The following ZNF723 variants were observed in gnomAD, a reference collection of about 807,000 sequenced individuals.
The protein encoded by ZNF723 is zinc finger protein 723, pseudogene.
ZNF723 carries 5 observed loss-of-function variants against 9.4 expected under a neutral mutation model. The observed-to-expected ratio is 0.53, with a 90% CI of 0.28 to 1.12. The LOEUF is 1.12. ZNF723 is among the 50% of genes most tolerant of loss of function. The pLI, the probability that ZNF723 is intolerant of heterozygous loss-of-function variation, is 0.10. For synonymous variants in ZNF723, 158 were observed against 168.8 expected, an observed-to-expected ratio of 0.94 and a Z score of 0.49; for missense variants, 450 against 501.5, an observed-to-expected ratio of 0.90 and a Z score of 0.98.
intron 1 of ZNF723, among the ~76,000 whole-genome samples, chr19:22,842,317 A>G (rs1486231165): frequency 2.0e-5 from 3 of 152,080 alleles, no homozygotes; most frequent in Admixed American, 1.3e-4. Flanking sequence ...CTGAACTAAG[A>G]GTTTTTTTTA....
the ZNF723 span, among the ~76,000 whole-genome samples, chr19:22,826,710 C>T: frequency 6.6e-6 from 1 of 152,328 alleles, no homozygotes; most frequent in South Asian, 2.1e-4. Context: ...ATGGTGATAA[C>T]TGTCATACCT....
At position 22,832,326 on chromosome 19, in the gene ZNF723, A is replaced by C; in HGVS notation, c.-54A>C. 1 of 1,364,198 alleles carries C rather than the reference A, an allele frequency of 7.3e-7. No homozygotes were observed. Among genetic ancestry groups the C allele is most frequent in the African/African-American group, 1.4e-5 (1 of 69,126 alleles). 84.5% of individuals were successfully genotyped at this position (1,364,198 alleles called of 1,614,324 possible). ...CCTGGTCTCTGTGGCCTCCTGACCT[A>C]CATGCATTGGGAGATCCACAGCTAA... On this transcript the variant is annotated 5_prime_UTR_variant, in exon 1 of 4. Coordinates refer to ENST00000600766, the MANE Select transcript of ZNF723 (RefSeq NM_001349726.2).
Position 22,857,889 on chromosome 19 carries a change from G to A in ZNF723, c.998G>A (p.Arg333Lys), listed in dbSNP as rs1198325222. The A allele has an allele frequency of 1.4e-6, 2 of 1,421,288 alleles. No individual in the cohort carries two copies. Among genetic ancestry groups the A allele is most frequent in the Non-Finnish European group, 2.0e-6 (2 of 1,007,208 alleles). The allele number at this position is 1,421,288 out of a possible 1,614,324, so 88.0% of individuals were successfully genotyped here. A position where few individuals can be genotyped will look rare whatever the true frequency, so the allele number is the denominator to read the frequency against. The change falls in exon 4 of 4, where the codon AGA (arginine) becomes AAA (lysine). Residue 333 changes from arginine to lysine, a missense_variant. Transcript: ENST00000600766. Reference sequence around the variant, plus strand: ...CCCTCACACCTTGCTACACATAAGAGAATTCATACTGGAGAGAAACTCTAC... The same window carrying A: ...CCCTCACACCTTGCTACACATAAGAAAATTCATACTGGAGAGAAACTCTAC... ...NQPSHLATHK[R>K]IHTGEKLYKC...
the ZNF723 span, among the ~76,000 whole-genome samples, chr19:22,819,906 T>C: frequency 1.3e-5 from 2 of 151,888 alleles, no homozygotes; most frequent in South Asian, 4.2e-4. Context: ...TATGTGTGGG[T>C]CAAACACCTA....
chr19:22,825,138 C>T, the ZNF723 span, among the ~76,000 whole-genome samples: 2 of 152,154 alleles, frequency 1.3e-5, no homozygotes, highest in African/African-American at 4.8e-5. Context: ...CACTAAGAGG[C>T]AATCGAAAGT....
intron 3 of ZNF723, among the ~76,000 whole-genome samples, chr19:22,854,705 A>G (rs1350522584): frequency 6.6e-6 from 1 of 152,148 alleles, no homozygotes; most frequent in African/African-American, 2.4e-5. Flanking sequence ...TCTAAAAGAT[A>G]TGAGAATATA....
chr19:22,813,066 T>G, the ZNF723 span, among the ~76,000 whole-genome samples: 3 of 152,062 alleles, frequency 2.0e-5, no homozygotes, highest in Non-Finnish European at 4.4e-5. Context: ...CTCCACCTCC[T>G]GGGTTCAAGC....
At chr19:22,826,563 C>A in the ZNF723 span, among the ~76,000 whole-genome samples, 1 of 152,200 alleles carries the variant, frequency 6.6e-6, no homozygotes, top group Non-Finnish European at 1.5e-5. Context: ...AACTGTCACT[C>A]TCTCACATGG....
chr19:22,812,616 G>T, the ZNF723 span, among the ~76,000 whole-genome samples: 1 of 152,130 alleles, frequency 6.6e-6, no homozygotes, highest in Admixed American at 6.5e-5. Context: ...GGTGGTACTG[G>T]GTCTTAAAGA....
the ZNF723 span, among the ~76,000 whole-genome samples, chr19:22,813,418 A>AG: frequency 4.6e-5 from 7 of 151,958 alleles, no homozygotes; most frequent in Non-Finnish European, 8.8e-5. Context: ...CTAGGGTTGG[A>AG]GGGGGGAGGA....
chr19:22,836,993 A>G (rs1967175640), intron 1 of ZNF723, among the ~76,000 whole-genome samples: 1 of 152,068 alleles, frequency 6.6e-6, no homozygotes, highest in African/African-American at 2.4e-5. Flanking sequence ...TTTAAACAGT[A>G]GCTCAGAAAC....
Position 22,857,737 on chromosome 19 carries a change from GAA to G in ZNF723, c.848_849del (p.Lys283ThrfsTer5). 7.8e-7 allele frequency: 1 copy of G among 1,282,456 alleles called. No homozygotes were observed. The highest frequency in any genetic ancestry group is 1.8e-4 in the Middle Eastern group (1 of 5,434). 79.4% of individuals were successfully genotyped at this position (1,282,456 alleles called of 1,614,324 possible). A position where few individuals can be genotyped will look rare whatever the true frequency, so the allele number is the denominator to read the frequency against. ...NNHKRIHTGE[K>X]PYKCKECGKA... The stretch of plus-strand genomic sequence containing the variant: ...ATCATAAGAGAATTCACACTGGAGA[GAA>G]ACCCTACAAATGTAAAGAATGTGGC... On this transcript the variant is annotated frameshift_variant, in exon 4 of 4. Transcript: ENST00000600766. LOFTEE classifies it low-confidence loss of function (END_TRUNC).
chr19:22,842,409 T>C (rs975130491), intron 1 of ZNF723, among the ~76,000 whole-genome samples: 9 of 152,208 alleles, frequency 5.9e-5, no homozygotes, highest in African/African-American at 2.2e-4. Context: ...ATACTCTAAA[T>C]TTTAATGATG....
rs1967158596 is a variant in ZNF723 at position 22,835,861 on chromosome 19, G to A, written c.3+3479G>A. 3.3e-5 allele frequency among the ~76,000 whole-genome samples: 5 copies of A among 152,002 alleles called. No individual in the cohort carries two copies. The South Asian group carries it at 1.0e-3, about 31-fold the overall frequency. On this transcript the variant is annotated intron_variant, in intron 1 of 3. Transcript: ENST00000600766. ...ACAAGATGAAACTTGGTACCTCTTA[G>A]GAATGTTCCCATATGATTGTTTACT...
intron 1 of ZNF723, among the ~76,000 whole-genome samples, chr19:22,846,813 C>CTTTTTTTTTTTT (rs760924027): frequency 2.9e-5 from 2 of 69,112 alleles, no homozygotes; most frequent in Non-Finnish European, 5.4e-5. Context: ...CTATAATTTC[C>CTTTTTTTTTTTT]TTTTTTTTTT....
the ZNF723 span, among the ~76,000 whole-genome samples, chr19:22,818,509 C>T: frequency 6.6e-6 from 1 of 152,168 alleles, no homozygotes; most frequent in Non-Finnish European, 1.5e-5. Flanking sequence ...GATTGAGTCT[C>T]CCATGCAAGG....
the ZNF723 span, among the ~76,000 whole-genome samples, chr19:22,821,319 G>A: frequency 6.6e-6 from 1 of 152,068 alleles, no homozygotes; most frequent in Non-Finnish European, 1.5e-5. Context: ...CACATGCCTG[G>A]TGCAAGCATC....
rs190531555 is a variant in ZNF723 at position 22,843,685 on chromosome 19, A to G, written c.4-4576A>G. ...CCTTTATTTGGGCCCCTTTCTTTAT[A>G]TTGTAGTGACTTCTTATGTCATCAC... is the stretch of plus-strand genomic sequence containing the variant. On this transcript the variant is annotated intron_variant, in intron 1 of 3. Transcript: ENST00000600766. Among the ~76,000 whole-genome samples, 9 of 152,264 alleles carry G rather than the reference A, an allele frequency of 5.9e-5. No homozygotes were observed. The East Asian group carries it at 1.7e-3, about 29-fold the overall frequency.
At chr19:22,854,659 A>G (rs1407627119) in intron 3 of ZNF723, among the ~76,000 whole-genome samples, 5 of 151,954 alleles carry the variant, frequency 3.3e-5, no homozygotes, top group African/African-American at 1.2e-4. Flanking sequence ...ATCTAAACAT[A>G]TATTCTTTGT....
Sources: allele counts gnomAD v4.1 joint callset (sites outside exome capture counted in the v4.1 genomes callset), GRCh38; gene constraint gnomAD v4.1.1; transcripts MANE v1.5; gene names NCBI Gene and HGNC (gene_info 2026-07-23, HGNC 2026-07-21).